Variants in NAV1 observed in about 807,000 individuals in gnomAD.
The protein encoded by NAV1 is pore membrane and/or filament interacting like protein 3.
In NAV1, 18 loss-of-function variants were observed where a neutral mutation model predicts 175.2. The observed-to-expected ratio is 0.10, with a 90% CI of 0.07 to 0.15. NAV1 has a LOEUF of 0.15. Among genes scored for constraint, NAV1 ranks in the 10% least tolerant of loss-of-function variants. The pLI is 1.00. For synonymous variants in NAV1, 897 were observed against 978.7 expected (o/e 0.92, Z 1.56); for missense variants, 1,731 against 2,436.6 (o/e 0.71, Z 6.10).
At chr1:201,824,104 C>A (rs1458009686) in exon 30 of NAV1, 1 of 152,198 alleles carries the variant, frequency 6.6e-6, no homozygotes, top group Non-Finnish European at 1.5e-5. Context: ...GTCCTAATCA[C>A]ACATTTAACA....
intron 3 of NAV1, among the ~76,000 whole-genome samples, chr1:201,755,695 T>G (rs923536507): frequency 7.2e-5 from 11 of 152,202 alleles, no homozygotes; most frequent in African/African-American, 2.7e-4. Context: ...TGGCAATTAA[T>G]GCACTTACAC....
intron 15 of NAV1, among the ~76,000 whole-genome samples, chr1:201,802,930 C>T (rs1336821224): frequency 6.6e-6 from 1 of 152,228 alleles, no homozygotes; most frequent in Non-Finnish European, 1.5e-5. Flanking sequence ...AAAGCAAAGC[C>T]AGTTCCCTGG....
chr1:201,794,338 G>T lies in NAV1; in HGVS notation c.3406-128G>T, dbSNP rs1460513519. ...AGCTAATTTTTGTATTTTTAATGGA[G>T]ACCAGGTGGCCAGGCTGGTCTTGAA... On this transcript the variant is annotated intron_variant, in intron 14 of 29. Transcript: ENST00000367296. 3.8e-6 allele frequency: 3 copies of T among 798,344 alleles called. No homozygotes were observed. The East Asian group carries it at 7.8e-5, about 21-fold the overall frequency. The allele number at this position is 798,344 out of a possible 1,614,324, so 49.5% of individuals were successfully genotyped here. A position where few individuals can be genotyped will look rare whatever the true frequency, so the allele number is the denominator to read the frequency against.
chr1:201,821,112 TA>T (rs1419834415), exon 30 of NAV1: 4 of 152,552 alleles, frequency 2.6e-5, no homozygotes, highest in Non-Finnish European at 5.9e-5. Flanking sequence ...TGAGAAGGTA[TA>T]GCCCCATCTT....
At chr1:201,669,519 C>CT (rs1487569253) in intron 1 of NAV1, among the ~76,000 whole-genome samples, 9 of 152,214 alleles carry the variant, frequency 5.9e-5, no homozygotes, top group African/African-American at 1.9e-4. Flanking sequence ...CAAACAGGGC[C>CT]TTGTAGATGA....
chr1:201,705,477 G>A (rs372785228), intron 1 of NAV1, among the ~76,000 whole-genome samples: 6 of 152,282 alleles, frequency 3.9e-5, no homozygotes, highest in African/African-American at 4.8e-5. Flanking sequence ...CAGCCCACTC[G>A]CTGATTGAGA....
chr1:201,544,524 G>A (rs939740107), intron 1 of NAV1, among the ~76,000 whole-genome samples: 3 of 152,150 alleles, frequency 2.0e-5, no homozygotes, highest in African/African-American at 7.2e-5. Flanking sequence ...AGGTCATCCA[G>A]CTTGGACACC....
chr1:201,735,385 T>A, intron 3 of NAV1, among the ~76,000 whole-genome samples: 1 of 152,208 alleles, frequency 6.6e-6, no homozygotes, highest in Non-Finnish European at 1.5e-5. Flanking sequence ...GTTCTGGATT[T>A]TCTGACCACA....
exon 30 of NAV1, chr1:201,820,071 G>A (rs1287412963): frequency 2.5e-6 from 2 of 786,878 alleles, no homozygotes; most frequent in East Asian, 2.6e-5. Flanking sequence ...AGATGAAAGA[G>A]GAGGGACAGG....
upstream of NAV1, among the ~76,000 whole-genome samples, chr1:201,644,288 G>A (rs1406397241): frequency 6.6e-6 from 1 of 152,188 alleles, no homozygotes; most frequent in African/African-American, 2.4e-5. Flanking sequence ...TGGGTTTGGA[G>A]ATAATGTGAC....
chr1:201,739,976 G>C (rs1673299841), intron 3 of NAV1: 3 of 1,441,078 alleles, frequency 2.1e-6, no homozygotes, highest in Non-Finnish European at 2.7e-6. Flanking sequence ...AGCGGTCCTG[G>C]GGGGCGCTGG....
chr1:201,708,381 G>A (rs644906), intron 1 of NAV1, among the ~76,000 whole-genome samples: 13,689 of 151,754 alleles, frequency 0.09, 1,023 homozygotes, highest in African/African-American at 0.19. Flanking sequence ...CCTTGGTGTC[G>A]CCCTGGGGCC....
intron 3 of NAV1, among the ~76,000 whole-genome samples, chr1:201,734,499 G>GGAGAAGAAGAAGAAGAAGA (rs1673016056): frequency 8.3e-6 from 1 of 121,062 alleles, no homozygotes; most frequent in Non-Finnish European, 1.8e-5. Flanking sequence ...GAAGGAGAAG[G>GGAGAAGAAGAAGAAGAAGA]AGAAGAAGAA....
chr1:201,567,755 A>T (rs1379806822), intron 1 of NAV1, among the ~76,000 whole-genome samples: 5 of 152,142 alleles, frequency 3.3e-5, no homozygotes, highest in Non-Finnish European at 7.4e-5. Flanking sequence ...TCTACCCATG[A>T]GAGACTATGG....
At chr1:201,658,363 A>G (rs975090506) in intron 1 of NAV1, among the ~76,000 whole-genome samples, 2 of 152,164 alleles carry the variant, frequency 1.3e-5, no homozygotes, top group Admixed American at 1.3e-4. Context: ...TGGAATTGGC[A>G]TCAGTGCATA....
At chr1:201,566,188 G>A (rs1054291342) in intron 1 of NAV1, among the ~76,000 whole-genome samples, 2 of 152,110 alleles carry the variant, frequency 1.3e-5, no homozygotes, top group African/African-American at 4.8e-5. Context: ...TCAGAGAGAG[G>A]CAGGCCACTT....
intron 1 of NAV1, among the ~76,000 whole-genome samples, chr1:201,565,860 G>C (rs961084869): frequency 6.6e-6 from 1 of 152,102 alleles, no homozygotes; most frequent in African/African-American, 2.4e-5. Flanking sequence ...TTTATCCCTG[G>C]AGGCGCCAGA....
intron 3 of NAV1, among the ~76,000 whole-genome samples, chr1:201,777,997 T>G (rs1277998593): frequency 6.6e-6 from 1 of 152,130 alleles, no homozygotes; most frequent in African/African-American, 2.4e-5. Context: ...GTGGAGCATC[T>G]CCAGTGGAGA....
intron 17 of NAV1, among the ~76,000 whole-genome samples, chr1:201,806,707 G>A (rs1180479517): frequency 6.6e-6 from 1 of 152,140 alleles, no homozygotes; most frequent in Non-Finnish European, 1.5e-5. Flanking sequence ...TGAGCTTTAT[G>A]GTACTTTTGA....
Sources: gnomAD v4.1 joint callset for allele counts (sites outside exome capture counted in the v4.1 genomes callset) on GRCh38, gnomAD v4.1.1 for gene constraint, MANE v1.5 for transcripts, NCBI Gene and HGNC (gene_info 2026-07-23, HGNC 2026-07-21) for gene names.